Variants in LMO2 observed in about 807,000 individuals in gnomAD.
LMO2 encodes LIM domain only 2.
Under a neutral mutation model 23.2 loss-of-function variants are expected in LMO2, and 20 were observed. That is an observed-to-expected ratio of 0.86 (90% CI 0.61 to 1.25). The LOEUF (loss-of-function observed/expected upper bound fraction) is 1.25, where lower values mean the gene tolerates loss of function less well. Ranked by LOEUF, LMO2 falls within the 50% of genes most tolerant of loss-of-function variation. The pLI, the probability that LMO2 is intolerant of heterozygous loss-of-function variation, is 0.00. For synonymous variants in LMO2, 123 were observed against 130.2 expected (o/e 0.94, Z 0.38); for missense variants, 270 against 315.3 (o/e 0.86, Z 1.09).
intron 2 of LMO2, chr11:33,870,524 G>A (rs1329467679): frequency 1.0e-6 from 1 of 986,830 alleles, no homozygotes; most frequent in Admixed American, 6.1e-5. Flanking sequence ...GCGCTCTGCA[G>A]AGGCGATGGT....
chr11:33,861,689 T>C (rs1376275222), intron 5 of LMO2, among the ~76,000 whole-genome samples: 1 of 152,196 alleles, frequency 6.6e-6, no homozygotes, highest in Non-Finnish European at 1.5e-5. Flanking sequence ...ACAGTGTGCA[T>C]GGAATGAATC....
At chr11:33,877,994 A>G (rs1857177260) in intron 2 of LMO2, among the ~76,000 whole-genome samples, 1 of 152,136 alleles carries the variant, frequency 6.6e-6, no homozygotes, top group South Asian at 2.1e-4. Flanking sequence ...TTCCCTGTCA[A>G]CACCATGCTC....
intron 5 of LMO2, among the ~76,000 whole-genome samples, chr11:33,863,304 A>G (rs1293240846): frequency 6.6e-6 from 1 of 152,242 alleles, no homozygotes; most frequent in African/African-American, 2.4e-5. Flanking sequence ...GAACCACCAT[A>G]TCTGCAAGGA....
intron 4 of LMO2, among the ~76,000 whole-genome samples, chr11:33,866,652 T>C (rs1039088868): frequency 1.3e-5 from 2 of 152,138 alleles, no homozygotes; most frequent in African/African-American, 4.8e-5. Flanking sequence ...AGTTTTTTGT[T>C]TGTTTGTTTT....
At chr11:33,883,544 A>G (rs2133715158) in intron 1 of LMO2, among the ~76,000 whole-genome samples, 1 of 152,328 alleles carries the variant, frequency 6.6e-6, no homozygotes, top group South Asian at 2.1e-4. Context: ...CATGGTCAAC[A>G]GTGAGGTGCT....
chr11:33,869,329 AG>A lies in LMO2; in HGVS notation c.248+16del, dbSNP rs1219262086. ...CGTGGACACCGGGGGTGGCAGGGGC[AG>A]GGGGGCCGCACTTACTCTGAAGGGT... On this transcript the variant is annotated intron_variant, in intron 4 of 5. Coordinates refer to ENST00000257818, the MANE Select transcript of LMO2 (RefSeq NM_005574.4). 1.4e-5 allele frequency: 16 copies of A among 1,114,354 alleles called. No homozygotes were observed. Among genetic ancestry groups the A allele is most frequent in the East Asian group, 1.0e-4 (2 of 20,024 alleles). 69.0% of individuals were successfully genotyped at this position (1,114,354 alleles called of 1,614,324 possible).
At chr11:33,861,934 G>A (rs1226111946) in intron 5 of LMO2, among the ~76,000 whole-genome samples, 1 of 152,102 alleles carries the variant, frequency 6.6e-6, no homozygotes. Flanking sequence ...GAAAAAGAAG[G>A]TCTCTGTAGC....
At chr11:33,874,683 G>A (rs1457806494) in intron 2 of LMO2, among the ~76,000 whole-genome samples, 1 of 152,218 alleles carries the variant, frequency 6.6e-6, no homozygotes, top group Non-Finnish European at 1.5e-5. Flanking sequence ...GCTGTAGAAA[G>A]AGCTGAAGTT....
intron 4 of LMO2, among the ~76,000 whole-genome samples, chr11:33,865,683 A>T (rs1856756052): frequency 6.6e-6 from 1 of 152,242 alleles, no homozygotes; most frequent in South Asian, 2.1e-4. Flanking sequence ...AATTAAACAG[A>T]CACTGACATC....
rs1423630963 is a variant in LMO2 at position 33,864,058 on chromosome 11, G to C, written c.464+544C>G. Among the ~76,000 whole-genome samples the C allele has an allele frequency of 6.6e-6, 1 of 152,196 alleles. No individual in the cohort carries two copies. Among genetic ancestry groups the C allele is most frequent in the Non-Finnish European group, 1.5e-5 (1 of 68,036 alleles). Reference sequence around the variant, plus strand: ...GGACTCAAACCTCCAACTGCCTACAGGGCCTTTGCCTTTCTGCTCTTCGAA... The same window carrying C: ...GGACTCAAACCTCCAACTGCCTACACGGCCTTTGCCTTTCTGCTCTTCGAA... On this transcript the variant is annotated intron_variant, in intron 5 of 5. Transcript: ENST00000257818. This position sits in a 1 kb window ranked among gnomAD's most constrained non-coding sequence, Gnocchi z 4.8.
intron 2 of LMO2, among the ~76,000 whole-genome samples, chr11:33,877,232 G>A (rs1171237086): frequency 6.6e-6 from 1 of 152,190 alleles, no homozygotes; most frequent in Admixed American, 6.5e-5. Context: ...TAAAGAAGGT[G>A]CCAGAAGCCA....
chr11:33,890,756 C>G (rs1412620781), intron 1 of LMO2, among the ~76,000 whole-genome samples: 1 of 152,076 alleles, frequency 6.6e-6, no homozygotes, highest in African/African-American at 2.4e-5. Flanking sequence ...GGGCTAAGTA[C>G]CAGCTACTAT....
intron 2 of LMO2, among the ~76,000 whole-genome samples, chr11:33,878,895 A>G (rs1187938049): frequency 6.6e-6 from 1 of 152,218 alleles, no homozygotes; most frequent in African/African-American, 2.4e-5. Context: ...GGGTACTGAT[A>G]TAGATATGGA....
At position 33,864,590 on chromosome 11, in the gene LMO2, C is replaced by G; in HGVS notation, c.464+12G>C. 1 of 1,608,050 alleles carries G rather than the reference C, an allele frequency of 6.2e-7. No individual in the cohort carries two copies. The highest frequency in any genetic ancestry group is 8.5e-7 in the Non-Finnish European group (1 of 1,176,910). The stretch of plus-strand genomic sequence containing the variant: ...CCCTTCCGAGGGCCCAGTGGAGTGC[C>G]GGGGAGGGTACCTGAGATAGTCTCT... On this transcript the variant is annotated intron_variant, in intron 5 of 5. Transcript: ENST00000257818. This position sits in a 1 kb window ranked among gnomAD's most constrained non-coding sequence, Gnocchi z 4.8.
In LMO2 at chr11:33,864,310, G is replaced by A. The variant is rs746912523; in HGVS notation, c.464+292C>T. ...TCAATCCCATCCCCTAGCTTCTCCC[G>A]CTCCCCAAGGGAAGCACTTTTCTGA... On this transcript the variant is annotated intron_variant, in intron 5 of 5. Coordinates refer to ENST00000257818, the MANE Select transcript of LMO2 (RefSeq NM_005574.4). The surrounding 1 kb of genome is among the most constrained non-coding windows in gnomAD (Gnocchi z 4.8). 2.0e-5 allele frequency among the ~76,000 whole-genome samples: 3 copies of A among 151,960 alleles called. No homozygotes were observed. The highest frequency in any genetic ancestry group is 6.6e-5 in the Admixed American group (1 of 15,202).
At chr11:33,877,237 A>G (rs569722965) in intron 2 of LMO2, among the ~76,000 whole-genome samples, 1 of 152,154 alleles carries the variant, frequency 6.6e-6, no homozygotes, top group Non-Finnish European at 1.5e-5. Context: ...AAGGTGCCAG[A>G]AGCCATTCCT....
chr11:33,870,046 C>T, intron 2 of LMO2, 59 bp from the exon 3 acceptor site: 1 of 645,268 alleles, frequency 1.5e-6, no homozygotes, highest in Non-Finnish European at 1.9e-6. Flanking sequence ...GCTGCCCGGT[C>T]CCCCCACCTC....
In LMO2 at chr11:33,859,071, T is replaced by G; in HGVS notation, c.*285A>C. 2.3e-6 allele frequency: 1 copy of G among 429,758 alleles called. No individual in the cohort carries two copies. The highest frequency in any genetic ancestry group is 2.9e-5 in the South Asian group (1 of 34,460). The allele number at this position is 429,758 out of a possible 1,614,324, so 26.6% of individuals were successfully genotyped here. On this transcript the variant is annotated 3_prime_UTR_variant, in exon 6 of 6. Transcript: ENST00000257818. ...TCCATCATGATAGCACAGCGCCTGC[T>G]TGCCCCTAAATGTTCCTTTCTTCTG... is the stretch of plus-strand genomic sequence containing the variant.
intron 2 of LMO2, chr11:33,881,581 A>G (rs551597629): frequency 2.8e-6 from 1 of 359,678 alleles, no homozygotes; most frequent in South Asian, 2.1e-5. Context: ...CAAATCTAAA[A>G]AATTATTATA....
Sources: gnomAD v4.1 joint callset for allele counts (sites outside exome capture counted in the v4.1 genomes callset) on GRCh38, gnomAD v4.1.1 for gene constraint, Gnocchi (gnomAD v3.1) non-coding constraint, MANE v1.5 for transcripts, NCBI Gene and HGNC (gene_info 2026-07-23, HGNC 2026-07-21) for gene names.